CAPS2: variants seen among roughly 807,000 people sequenced by gnomAD.
CAPS2 encodes the protein calcyphosin-2.
Under a neutral mutation model 86.5 loss-of-function variants are expected in CAPS2, and 98 were observed. The observed-to-expected ratio is 1.13, with a 90% CI of 0.96 to 1.34. CAPS2 has a LOEUF of 1.34. CAPS2 is among the 40% of genes most tolerant of loss of function. CAPS2 has a pLI of 0.00. For synonymous variants in CAPS2, 210 were observed against 225.1 expected (o/e 0.93, Z 0.60); for missense variants, 729 against 686.8 (o/e 1.06, Z -0.69).
intron 1 of CAPS2, among the ~76,000 whole-genome samples, chr12:75,387,969 A>G (rs2045377296): frequency 6.6e-6 from 1 of 152,254 alleles, no homozygotes; most frequent in South Asian, 2.1e-4. Context: ...AGAAACCTGC[A>G]CAAAGATGTT....
intron 1 of CAPS2, among the ~76,000 whole-genome samples, chr12:75,353,605 A>C (rs1415688397): frequency 6.6e-6 from 1 of 152,226 alleles, no homozygotes; most frequent in Non-Finnish European, 1.5e-5. Context: ...AAAATATTCC[A>C]AACAACTGAA....
chr12:75,327,211 T>C (rs2040865597), upstream of CAPS2, among the ~76,000 whole-genome samples: 1 of 152,238 alleles, frequency 6.6e-6, no homozygotes. Context: ...AATACCACCA[T>C]GACATATACA....
In CAPS2 at chr12:75,354,168, G is replaced by C. The variant is rs535014622; in HGVS notation, c.-394-30946C>G. Reference sequence around the variant, plus strand: ...AGCAATCAGGGAAGAGAAAAAAAAGGGGGGGGGGTATTCAAATAGGAAAAG... The same window carrying C: ...AGCAATCAGGGAAGAGAAAAAAAAGCGGGGGGGGTATTCAAATAGGAAAAG... On this transcript the variant is annotated intron_variant, in intron 1 of 5. Transcript: ENST00000551829. Among the ~76,000 whole-genome samples, 132 of 61,292 alleles carry C rather than the reference G, an allele frequency of 2.2e-3. No individual in the cohort carries two copies. In the Middle Eastern group the frequency reaches 0.025, roughly 12 times the overall value. The allele number at this position is 61,292 out of a possible 152,430, so 40.2% of individuals were successfully genotyped here. A position where few individuals can be genotyped will look rare whatever the true frequency, so the allele number is the denominator to read the frequency against.
At chr12:75,323,010 A>G (rs2040441897) in exon 4 of CAPS2, 1 of 1,548,984 alleles carries the variant, frequency 6.5e-7, no homozygotes. Context: ...ATGGAGTTTG[A>G]CATGGTGTGA....
intron 1 of CAPS2, among the ~76,000 whole-genome samples, chr12:75,343,089 T>A (rs184444316): frequency 3.8e-4 from 58 of 152,104 alleles, no homozygotes; most frequent in African/African-American, 1.3e-3. Flanking sequence ...TAGATCCCAA[T>A]CCTTATACAT....
At chr12:75,384,512 T>C (rs1334402529) in intron 1 of CAPS2, among the ~76,000 whole-genome samples, 7 of 152,138 alleles carry the variant, frequency 4.6e-5, no homozygotes, top group East Asian at 1.9e-4. Flanking sequence ...TGATAACTAA[T>C]AACCTTCCAA....
intron 9 of CAPS2, among the ~76,000 whole-genome samples, chr12:75,299,439 G>T (rs2037443439): frequency 6.6e-6 from 1 of 151,936 alleles, no homozygotes; most frequent in South Asian, 2.1e-4. Flanking sequence ...TGAAATAATA[G>T]ATTTAAAAAT....
intron 12 of CAPS2, among the ~76,000 whole-genome samples, chr12:75,292,091 G>A (rs1333409437): frequency 6.6e-6 from 1 of 152,116 alleles, no homozygotes; most frequent in Non-Finnish European, 1.5e-5. Context: ...TTTTGAGACA[G>A]AGTCTCGCTC....
At position 75,351,680 on chromosome 12, in the gene CAPS2, GGGATT is replaced by G. The variant is rs2042825502; in HGVS notation, c.-394-28463_-394-28459del. On this transcript the variant is annotated intron_variant, in intron 1 of 5. Transcript: ENST00000551829. ...TCCTGCCTCAGCCTCCTGAGTAGCT[GGGATT>G]AGAGGCGCTCCCCACCACACCCAGC... 1.3e-5 allele frequency among the ~76,000 whole-genome samples: 2 copies of G among 151,878 alleles called. 1 individual carries two copies. Among genetic ancestry groups the G allele is most frequent in the Non-Finnish European group, 2.9e-5 (2 of 67,996 alleles).
At chr12:75,299,060 C>A (rs1449188072) in intron 9 of CAPS2, 94 bp from the exon 10 acceptor site, 5 of 786,402 alleles carry the variant, frequency 6.4e-6, no homozygotes, top group Non-Finnish European at 1.0e-5. Context: ...GGATAGCTAA[C>A]TCTCTTATGT....
At chr12:75,382,396 T>G (rs2045047375) in intron 1 of CAPS2, among the ~76,000 whole-genome samples, 1 of 152,146 alleles carries the variant, frequency 6.6e-6, no homozygotes, top group Non-Finnish European at 1.5e-5. Flanking sequence ...TTCCAGCACT[T>G]TGGGAGGCCA....
chr12:75,322,271 G>A (rs1295198284), intron 4 of CAPS2, among the ~76,000 whole-genome samples: 1 of 152,078 alleles, frequency 6.6e-6, no homozygotes, highest in African/African-American at 2.4e-5. Context: ...ATAAGAGTCA[G>A]TGGATAAGAG....
chr12:75,304,980 T>C, intron 7 of CAPS2, 104 bp from the exon 8 acceptor site: 2 of 782,526 alleles, frequency 2.6e-6, no homozygotes, highest in Non-Finnish European at 3.9e-6. Context: ...CAAATGCAAA[T>C]TTACAACACT....
At chr12:75,278,799 G>C in exon 17 of CAPS2, 1 of 1,350,174 alleles carries the variant, frequency 7.4e-7, no homozygotes, top group Non-Finnish European at 9.5e-7. Flanking sequence ...GAAGTCCTAG[G>C]AAAATATATT....
rs1029324948 is a variant in CAPS2, at chr12:75,377,406, G to A, written c.-395+13432C>T. The stretch of plus-strand genomic sequence containing the variant: ...AAATCCCACGATAGGCCATCTGTAA[G>A]TTAAGAAGCAAGGAAGCCAGCAGTG... On this transcript the variant is annotated intron_variant, in intron 1 of 5. Coordinates refer to the CAPS2 transcript ENST00000551829. Among the ~76,000 whole-genome samples, 6 of 152,318 alleles carry A rather than the reference G, an allele frequency of 3.9e-5. No individual in the cohort carries two copies. In the East Asian group the frequency reaches 1.2e-3, roughly 29 times the overall value.
intron 1 of CAPS2, chr12:75,370,075 T>C: frequency 6.4e-7 from 1 of 1,570,446 alleles, no homozygotes; most frequent in Non-Finnish European, 8.7e-7. Context: ...TTTGTTTTTG[T>C]TTTTGACAGA....
At chr12:75,280,972 T>G (rs1210095374) in intron 16 of CAPS2, among the ~76,000 whole-genome samples, 1 of 151,930 alleles carries the variant, frequency 6.6e-6, no homozygotes, top group African/African-American at 2.4e-5. Context: ...AGAATTAAAC[T>G]TATAAGTTGA....
chr12:75,355,383 T>TTGG, intron 1 of CAPS2, among the ~76,000 whole-genome samples: 1 of 152,136 alleles, frequency 6.6e-6, no homozygotes, highest in African/African-American at 2.4e-5. Flanking sequence ...CTCAACATCA[T>TTGG]TGGTCATTAG....
At chr12:75,316,422 C>G in exon 6 of CAPS2, 1 of 1,548,414 alleles carries the variant, frequency 6.5e-7, no homozygotes, top group Non-Finnish European at 8.7e-7. Flanking sequence ...TTGGCTTCTT[C>G]ATCTTGCACA....
Sources: gnomAD v4.1 joint callset for allele counts (sites outside exome capture counted in the v4.1 genomes callset) on GRCh38, gnomAD v4.1.1 for gene constraint, MANE v1.5 for transcripts, NCBI Gene and HGNC (gene_info 2026-07-23, HGNC 2026-07-21) for gene names.